Variants in LRP1B observed in about 807,000 individuals in gnomAD.
LRP1B encodes the protein low-density lipoprotein receptor-related protein 1B.
In LRP1B, 217 loss-of-function variants were observed where a neutral mutation model predicts 556.6. The ratio of observed to expected loss-of-function variants is 0.39; its 90% confidence interval spans 0.35 to 0.44. The LOEUF is 0.44. Among genes scored for constraint, LRP1B ranks in the 20% least tolerant of loss-of-function variants. The pLI, the probability that LRP1B is intolerant of heterozygous loss-of-function variation, is 1.00. For synonymous variants in LRP1B, 2,047 were observed against 1,865.8 expected, an observed-to-expected ratio of 1.10 and a Z score of -2.50; for missense variants, 5,053 against 5,620.8, an observed-to-expected ratio of 0.90 and a Z score of 3.23.
intron 10 of LRP1B, among the ~76,000 whole-genome samples, chr2:141,051,992 A>G (rs1238082479): frequency 6.6e-6 from 1 of 151,944 alleles, no homozygotes; most frequent in African/African-American, 2.4e-5. Context: ...AATCAAGATT[A>G]TTGTCTATGT....
chr2:140,650,166 A>C (rs1008750559), intron 41 of LRP1B, among the ~76,000 whole-genome samples: 4 of 152,094 alleles, frequency 2.6e-5, no homozygotes, highest in Non-Finnish European at 4.4e-5. Context: ...GTTTTTTAAA[A>C]AAATTTAATT....
chr2:140,724,619 G>A (rs531441938), intron 35 of LRP1B, among the ~76,000 whole-genome samples: 24 of 152,082 alleles, frequency 1.6e-4, no homozygotes, highest in Admixed American at 2.6e-4. Flanking sequence ...TATTATATGT[G>A]ACTATTACAC....
chr2:140,930,499 A>T (rs1388699505), intron 20 of LRP1B, among the ~76,000 whole-genome samples: 1 of 152,124 alleles, frequency 6.6e-6, no homozygotes, highest in Non-Finnish European at 1.5e-5. Flanking sequence ...GTATTGCAAA[A>T]ATCATACATA....
intron 3 of LRP1B, among the ~76,000 whole-genome samples, chr2:141,471,744 G>A (rs1001263346): frequency 6.6e-6 from 1 of 152,140 alleles, no homozygotes; most frequent in African/African-American, 2.4e-5. Flanking sequence ...CTAAATATCT[G>A]GAATATTGTC....
chr2:141,179,167 G>C (rs549313273), intron 7 of LRP1B, among the ~76,000 whole-genome samples: 1 of 151,866 alleles, frequency 6.6e-6, no homozygotes, highest in Non-Finnish European at 1.5e-5. Context: ...TGCAGAAAAT[G>C]AATCAGAAAC....
At chr2:140,673,123 A>G (rs1559046638) in intron 41 of LRP1B, among the ~76,000 whole-genome samples, 2 of 152,178 alleles carry the variant, frequency 1.3e-5, no homozygotes, top group African/African-American at 2.4e-5. Context: ...CCCTCAATCT[A>G]TCATTTTACT....
At chr2:140,251,108 TATA>T (rs1009695707) in intron 86 of LRP1B, among the ~76,000 whole-genome samples, 82 of 151,982 alleles carry the variant, frequency 5.4e-4, no homozygotes, top group African/African-American at 1.8e-3. Flanking sequence ...TTGTTTCAAT[TATA>T]ATTTTCTGTA....
At chr2:141,247,116 C>A (rs1190087719) in intron 5 of LRP1B, 110 bp downstream of exon 5, 1 of 1,227,692 alleles carries the variant, frequency 8.1e-7, no homozygotes, top group African/African-American at 1.5e-5. Flanking sequence ...GAAAGCAAAT[C>A]TCTCTCTTCA....
At chr2:141,909,526 ATTTTTTTTT>A (rs377577096) in intron 1 of LRP1B, among the ~76,000 whole-genome samples, 2 of 93,394 alleles carry the variant, frequency 2.1e-5, no homozygotes, top group African/African-American at 9.3e-5. Context: ...GGTCTCAGAC[ATTTTTTTTT>A]TTTTTTTTTT....
chr2:140,449,389 A>T (rs917877728), intron 63 of LRP1B, among the ~76,000 whole-genome samples: 1 of 152,124 alleles, frequency 6.6e-6, no homozygotes, highest in African/African-American at 2.4e-5. Flanking sequence ...TTAACTTAAT[A>T]GGTTTTTTGA....
intron 43 of LRP1B, among the ~76,000 whole-genome samples, chr2:140,550,347 G>T (rs932314850): frequency 6.6e-6 from 1 of 152,106 alleles, no homozygotes; most frequent in East Asian, 1.9e-4. Flanking sequence ...CAAAGTGACA[G>T]GCGCTGGAGC....
At chr2:140,357,860 A>G in intron 74 of LRP1B, 119 bp downstream of exon 74, 4 of 1,122,740 alleles carry the variant, frequency 3.6e-6, no homozygotes, top group Non-Finnish European at 5.0e-6. Context: ...TTTTTGAAAA[A>G]GGGCATCAGT....
At chr2:141,062,600 G>A (rs916334085) in intron 7 of LRP1B, among the ~76,000 whole-genome samples, 1 of 151,788 alleles carries the variant, frequency 6.6e-6, no homozygotes, top group Non-Finnish European at 1.5e-5. Flanking sequence ...GTAAGCTTCA[G>A]AAGTGAGCCA....
intron 65 of LRP1B, among the ~76,000 whole-genome samples, chr2:140,443,331 G>C (rs969501921): frequency 6.6e-6 from 1 of 152,134 alleles, no homozygotes; most frequent in Non-Finnish European, 1.5e-5. Context: ...AAAGTGCTGG[G>C]ATTACAGGCA....
chr2:141,214,024 A>AT (rs1682679927), intron 6 of LRP1B, among the ~76,000 whole-genome samples: 3 of 145,932 alleles, frequency 2.1e-5, no homozygotes, highest in Admixed American at 1.4e-4. Context: ...TACTTGTATT[A>AT]TTTTTTACTG....
At chr2:140,954,363 T>C (rs867066294) in intron 18 of LRP1B, among the ~76,000 whole-genome samples, 1 of 152,180 alleles carries the variant, frequency 6.6e-6, no homozygotes, top group Non-Finnish European at 1.5e-5. Context: ...GGGACTCAGA[T>C]ATGATGAGAT....
At chr2:140,485,841 G>GCGCGCACA (rs1553473120) in intron 58 of LRP1B, among the ~76,000 whole-genome samples, 37 of 54,796 alleles carry the variant, frequency 6.8e-4, no homozygotes, top group African/African-American at 2.0e-3. Flanking sequence ...AAATTCTCAC[G>GCGCGCACA]CACATACACA....
chr2:140,335,362 C>T (rs1681027351), intron 78 of LRP1B, among the ~76,000 whole-genome samples: 1 of 151,780 alleles, frequency 6.6e-6, no homozygotes, highest in Non-Finnish European at 1.5e-5. Flanking sequence ...CACATATAAC[C>T]ATGCACAGAC....
chr2:142,065,268 C>T (rs984610899), intron 1 of LRP1B, among the ~76,000 whole-genome samples: 1 of 151,382 alleles, frequency 6.6e-6, no homozygotes, highest in Non-Finnish European at 1.5e-5. Flanking sequence ...TCAGAGGGCT[C>T]AGATTAAGGT....
Sources: allele counts gnomAD v4.1 joint callset (sites outside exome capture counted in the v4.1 genomes callset), GRCh38; gene constraint gnomAD v4.1.1; transcripts MANE v1.5; gene names NCBI Gene and HGNC (gene_info 2026-07-23, HGNC 2026-07-21).